The following TNR variants were observed in gnomAD, a reference collection of about 807,000 sequenced individuals.
The protein encoded by TNR is tenascin R, also known as tenascin-R.
In TNR, 45 loss-of-function variants were observed where a neutral mutation model predicts 150.4. That is an observed-to-expected ratio of 0.30 (90% CI 0.24 to 0.38). The LOEUF is 0.38. Among genes scored for constraint, TNR ranks in the 10% least tolerant of loss-of-function variants. TNR has a pLI of 1.00. For synonymous variants in TNR, 687 were observed against 678.4 expected, an observed-to-expected ratio of 1.01 and a Z score of -0.20; for missense variants, 1,544 against 1,759.1, an observed-to-expected ratio of 0.88 and a Z score of 2.19.
chr1:175,367,335 T>C (rs1651892163), intron 9 of TNR, 38 bp from the exon 10 acceptor site: 1 of 1,576,960 alleles, frequency 6.3e-7, no homozygotes, highest in Non-Finnish European at 8.7e-7. Flanking sequence ...ATTCTGTGTA[T>C]GGGGCAGGGC....
At chr1:175,655,592 C>T (rs555644432) in intron 1 of TNR, among the ~76,000 whole-genome samples, 22 of 152,308 alleles carry the variant, frequency 1.4e-4, no homozygotes, top group African/African-American at 5.1e-4. Context: ...CTGGTGGTCA[C>T]AGTTCCTCTC....
At chr1:175,401,457 G>A (rs929521448) in intron 4 of TNR, among the ~76,000 whole-genome samples, 1 of 151,932 alleles carries the variant, frequency 6.6e-6, no homozygotes, top group Admixed American at 6.6e-5. Context: ...GAAACAATAA[G>A]GCTTAACTTC....
intron 2 of TNR, among the ~76,000 whole-genome samples, chr1:175,422,558 C>A (rs192333274): frequency 6.6e-6 from 1 of 152,354 alleles, no homozygotes; most frequent in East Asian, 1.9e-4. Context: ...CTGGGACCCA[C>A]TGTCATGCTA....
intron 20 of TNR, among the ~76,000 whole-genome samples, chr1:175,331,111 T>A (rs558720247): frequency 1.4e-5 from 2 of 139,294 alleles, no homozygotes; most frequent in African/African-American, 5.6e-5. Flanking sequence ...CTCTCTCTCT[T>A]TCTTTTCTTT....
chr1:175,443,758 A>C (rs529100677), intron 2 of TNR, among the ~76,000 whole-genome samples: 66 of 152,282 alleles, frequency 4.3e-4, no homozygotes, highest in African/African-American at 1.5e-3. Flanking sequence ...TGAGTTAGTA[A>C]GGAAGGAAGG....
chr1:175,367,242 C>T lies in TNR; in HGVS notation c.2019G>A (p.Gln673=). The T allele has an allele frequency of 6.2e-7, 1 of 1,614,168 alleles. No homozygotes were observed. The highest frequency in any genetic ancestry group is 8.5e-7 in the Non-Finnish European group (1 of 1,180,008). The part of the protein sequence containing the change: ...GVGISAVMNS[Q]QSVPATMNAR... Reference sequence around the variant, plus strand: ...CATTCATGGTGGCTGGCACGCTTTGCTGTGAGTTCATGACGGCAGATATTC... The same window carrying T: ...CATTCATGGTGGCTGGCACGCTTTGTTGTGAGTTCATGACGGCAGATATTC... Residue 673 remains glutamine (Q), a synonymous_variant, in exon 10 of 23, where the codon CAG becomes CAA. Transcript: ENST00000367674.
intron 2 of TNR, among the ~76,000 whole-genome samples, chr1:175,429,464 C>A (rs2102069437): frequency 6.6e-6 from 1 of 152,204 alleles, no homozygotes; most frequent in Non-Finnish European, 1.5e-5. Context: ...GTGAAATGGG[C>A]AAAATAGAGT....
intron 2 of TNR, among the ~76,000 whole-genome samples, chr1:175,411,049 G>C (rs904094568): frequency 1.3e-5 from 2 of 152,160 alleles, no homozygotes; most frequent in Non-Finnish European, 2.9e-5. Context: ...TGGCTTGTTC[G>C]ATGAATGCAA....
intron 2 of TNR, among the ~76,000 whole-genome samples, chr1:175,458,307 T>C (rs1656656130): frequency 6.6e-6 from 1 of 152,208 alleles, no homozygotes; most frequent in African/African-American, 2.4e-5. Context: ...AATAGCACCA[T>C]AGATTTACTC....
At chr1:175,551,412 A>G (rs1370289115) in intron 1 of TNR, among the ~76,000 whole-genome samples, 1 of 152,220 alleles carries the variant, frequency 6.6e-6, no homozygotes, top group Non-Finnish European at 1.5e-5. Context: ...AGGCCACAAA[A>G]CAAAGGAATA....
intron 1 of TNR, among the ~76,000 whole-genome samples, chr1:175,619,234 C>G (rs952686468): frequency 6.6e-6 from 1 of 152,078 alleles, no homozygotes; most frequent in South Asian, 2.1e-4. Context: ...GCTGGGCAAC[C>G]ATGAGAGCAA....
chr1:175,694,018 G>A (rs1036609880), intron 1 of TNR, among the ~76,000 whole-genome samples: 1 of 152,204 alleles, frequency 6.6e-6, no homozygotes, highest in African/African-American at 2.4e-5. Flanking sequence ...GTATATGCCA[G>A]AGTTCTTTGA....
intron 1 of TNR, among the ~76,000 whole-genome samples, chr1:175,691,655 A>G (rs1428690112): frequency 2.0e-5 from 3 of 152,152 alleles, no homozygotes; most frequent in Admixed American, 2.0e-4. Context: ...AACTTGGTTT[A>G]TTAATCTCTT....
At chr1:175,406,103 T>A in intron 3 of TNR, 113 bp downstream of exon 3, 1 of 1,414,662 alleles carries the variant, frequency 7.1e-7, no homozygotes, top group Non-Finnish European at 9.5e-7. Flanking sequence ...GCCGGGGTTT[T>A]GCTGGGAGTG....
intron 1 of TNR, among the ~76,000 whole-genome samples, chr1:175,691,710 TGACA>T (rs1402372108): frequency 2.0e-5 from 3 of 152,156 alleles, no homozygotes; most frequent in African/African-American, 7.2e-5. Context: ...TTAGCTTAGG[TGACA>T]GACAGGCAGC....
chr1:175,521,219 C>G (rs1161823955), intron 2 of TNR, among the ~76,000 whole-genome samples: 1 of 152,172 alleles, frequency 6.6e-6, no homozygotes, highest in Admixed American at 6.6e-5. Flanking sequence ...ATTGTCCTTA[C>G]TTTACCAATC....
intron 2 of TNR, among the ~76,000 whole-genome samples, chr1:175,484,684 CTT>C (rs944131991): frequency 6.6e-5 from 10 of 152,182 alleles, no homozygotes; most frequent in Non-Finnish European, 1.5e-4. Context: ...CCTCCAGACT[CTT>C]TTCTCTATTT....
In TNR at chr1:175,375,856, C is replaced by T. The variant is rs192336638; in HGVS notation, c.1963+3696G>A. Reference sequence around the variant, plus strand: ...GTGCTTACTGTGTGCCAGGCTCCATCCTAAGTTCTTGAATAGGGATATATG... The same window carrying T: ...GTGCTTACTGTGTGCCAGGCTCCATTCTAAGTTCTTGAATAGGGATATATG... On this transcript the variant is annotated intron_variant, in intron 9 of 22. Transcript: ENST00000367674. Among the ~76,000 whole-genome samples the T allele has an allele frequency of 1.4e-3, 220 of 152,270 alleles. 1 individual carries two copies. Among genetic ancestry groups the T allele is most frequent in the Non-Finnish European group, 2.4e-3 (166 of 68,020 alleles).
chr1:175,494,113 C>T (rs859394), intron 2 of TNR, among the ~76,000 whole-genome samples: 1,765 of 152,250 alleles, frequency 0.012, 38 homozygotes, highest in African/African-American at 0.04. Context: ...ACCAGCCTGT[C>T]ACTGTGCCGC....
Sources: gnomAD v4.1 joint callset for allele counts (sites outside exome capture counted in the v4.1 genomes callset) on GRCh38, gnomAD v4.1.1 for gene constraint, MANE v1.5 for transcripts, NCBI Gene and HGNC (gene_info 2026-07-23, HGNC 2026-07-21) for gene names.